DUSP9: variants seen among roughly 807,000 people sequenced by gnomAD.
The protein encoded by DUSP9 is dual specificity protein phosphatase 9.
In DUSP9, 4 loss-of-function variants were observed where a neutral mutation model predicts 13.2. That is an observed-to-expected ratio of 0.30 (90% CI 0.15 to 0.69). The LOEUF (loss-of-function observed/expected upper bound fraction) is 0.69, where lower values mean the gene tolerates loss of function less well. DUSP9 is among the 30% of genes least tolerant of loss of function. The pLI is 0.73. For synonymous variants in DUSP9, 166 were observed against 172.3 expected (o/e 0.96, Z 0.29); for missense variants, 263 against 355.0 (o/e 0.74, Z 2.08).
chrX:153,648,374 C>T, intron 2 of DUSP9, 48 bp downstream of exon 2: 1 of 1,055,824 alleles, frequency 9.5e-7, no homozygotes, highest in Non-Finnish European at 1.2e-6. Flanking sequence ...ATTCATTTGA[C>T]CTTAGGCCAG....
upstream of DUSP9, chrX:153,643,474 G>A (rs1339996345): frequency 8.8e-6 from 3 of 340,903 alleles, no homozygotes; most frequent in African/African-American, 2.6e-5. Flanking sequence ...AGACTCCCCA[G>A]CGACTAGCTT....
chrX:153,646,671 C>T (rs1018101720), upstream of DUSP9, among the ~76,000 whole-genome samples: 3 of 111,113 alleles, frequency 2.7e-5, no homozygotes, highest in Non-Finnish European at 3.8e-5. Flanking sequence ...GCGAGTGAAG[C>T]GGGCTGGTAT....
intron 1 of DUSP9, 65 bp from the exon 2 acceptor site, chrX:153,647,854 C>T: frequency 2.0e-5 from 18 of 902,681 alleles, no homozygotes; most frequent in Non-Finnish European, 2.5e-5. Flanking sequence ...GACGCGGGGC[C>T]GGCTTCAAGT....
chrX:153,649,880 C>T, intron 3 of DUSP9, 100 bp from the exon 4 acceptor site: 1 of 1,041,542 alleles, frequency 9.6e-7, no homozygotes, highest in Admixed American at 2.8e-5. Context: ...GGCCATCTGG[C>T]CCAGGGGGCA....
chrX:153,650,439 C>T lies in DUSP9; in HGVS notation c.*134C>T, dbSNP rs1416405300. On this transcript the variant is annotated 3_prime_UTR_variant, in exon 4 of 4. Transcript: ENST00000342782. ...GCTGGGGGGAGAGCGCAATACCTCA[C>T]GCGGGCTGCCGTCCTAATCAACGTG... The T allele has an allele frequency of 4.4e-5, 21 of 478,141 alleles. No homozygotes were observed. The highest frequency in any genetic ancestry group is 2.2e-4 in the East Asian group (6 of 26,872). 39.4% of individuals were successfully genotyped at this position (478,141 alleles called of 1,213,427 possible).
chrX:153,642,698 A>G (rs2301142), upstream of DUSP9: 17,180 of 64,219 alleles, frequency 0.27, 1,552 homozygotes, highest in Admixed American at 0.54. Context: ...TCCACCCTGC[A>G]CCCCCAAAGT....
At chrX:153,645,999 C>T (rs2091186707), upstream of DUSP9, among the ~76,000 whole-genome samples, 1 of 113,022 alleles carries the variant, frequency 8.8e-6, no homozygotes, top group South Asian at 3.6e-4. Flanking sequence ...CGCATTCCCT[C>T]CTTCCTGCAG....
chrX:153,642,520 G>A (rs1473558647), upstream of DUSP9: 1 of 113,009 alleles, frequency 8.8e-6, no homozygotes, highest in African/African-American at 3.2e-5. Flanking sequence ...GGTGGCGTTA[G>A]GCTGCAGCAG....
chrX:153,644,888 T>C (rs2091182896), upstream of DUSP9, among the ~76,000 whole-genome samples: 1 of 112,657 alleles, frequency 8.9e-6, no homozygotes, highest in African/African-American at 3.2e-5. Context: ...GCTCCCTCTC[T>C]AGCCGAACTG....
At chrX:153,644,474 G>C (rs781832887), upstream of DUSP9, among the ~76,000 whole-genome samples, 91 of 109,127 alleles carry the variant, frequency 8.3e-4, no homozygotes, top group African/African-American at 2.9e-3. Flanking sequence ...CGGCGCTACA[G>C]GGGGCCTGAG....
upstream of DUSP9, chrX:153,643,464 A>G (rs782462415): frequency 5.8e-6 from 2 of 342,092 alleles, no homozygotes. Context: ...ACAGACCTTG[A>G]GACTCCCCAG....
Position 153,650,259 on chromosome X carries a change from T to C in DUSP9, c.1109T>C (p.Phe370Ser), listed in dbSNP as rs1239094910. The C allele has an allele frequency of 1.7e-6, 2 of 1,206,876 alleles. No homozygotes were observed. The highest frequency in any genetic ancestry group is 2.2e-5 in the Admixed American group (1 of 45,811). ...ASAASNPPSF[F>S]TTPTSDGAFE... ...GCGGCCTCCAACCCGCCCTCCTTCTTCACCACCCCCACCAGTGATGGCGCC... is the reference window on the plus strand; with the variant it reads ...GCGGCCTCCAACCCGCCCTCCTTCTCCACCACCCCCACCAGTGATGGCGCC... The change falls in exon 4 of 4, where the codon TTC (phenylalanine) becomes TCC (serine). Residue 370 changes from phenylalanine to serine, a missense_variant. By Grantham distance (155) the Phe-to-Ser change is radical. Coordinates refer to ENST00000342782, the MANE Select transcript of DUSP9 (RefSeq NM_001318503.2).
upstream of DUSP9, among the ~76,000 whole-genome samples, chrX:153,645,989 C>T (rs1301875936): frequency 1.8e-5 from 2 of 112,750 alleles, no homozygotes; most frequent in African/African-American, 3.2e-5. Context: ...GTTAGGCCAC[C>T]GCATTCCCTC....
chrX:153,647,876 C>G, intron 1 of DUSP9, 43 bp from the exon 2 acceptor site: 1 of 939,129 alleles, frequency 1.1e-6, no homozygotes, highest in Non-Finnish European at 1.3e-6. Flanking sequence ...TGAGCCCCCT[C>G]GGCCCTCCGG....
At chrX:153,649,087 C>A in intron 2 of DUSP9, 145 bp from the exon 3 acceptor site, 1 of 569,411 alleles carries the variant, frequency 1.8e-6, no homozygotes, top group Non-Finnish European at 2.8e-6. Flanking sequence ...GGTACCAGGA[C>A]ACACCAAGCT....
Position 153,649,488 on chromosome X carries a change from C to G in DUSP9, c.630C>G (p.Asn210Lys), listed in dbSNP as rs1557036106. 12 of 1,210,737 alleles carry G rather than the reference C, an allele frequency of 9.9e-6. No individual in the cohort carries two copies. The highest frequency in any genetic ancestry group is 1.3e-5 in the Non-Finnish European group (12 of 895,394). The change falls in exon 3 of 4, where the codon AAC becomes AAG. Residue 210 changes from asparagine (N) to lysine (K), a missense_variant. By Grantham distance (94) the Asn-to-Lys change is moderately conservative. Transcript: ENST00000342782. ...RASFPVQILPNLYLGSARDSA... is the reference protein window; with the variant it reads ...RASFPVQILPKLYLGSARDSA... ...CCTTCCCTGTCCAGATCCTGCCCAA[C>G]CTCTATCTGGGCAGTGCCCGGGATT...
chrX:153,644,815 C>T (rs913029748), upstream of DUSP9, among the ~76,000 whole-genome samples: 1 of 112,320 alleles, frequency 8.9e-6, no homozygotes, highest in Non-Finnish European at 1.9e-5. Flanking sequence ...CGTCCTCATT[C>T]CAGCCCAGCT....
At position 153,649,319 on chromosome X, in the gene DUSP9, C is replaced by T; in HGVS notation, c.461C>T (p.Pro154Leu). ...GCCGGCTCCAGCATGGCGCCGGTGC[C>T]CGGTCCAGTGCCCGTGGTGGGGTTG... ...GRAGSSMAPVPGPVPVVGLGS... is the reference protein window; with the variant it reads ...GRAGSSMAPVLGPVPVVGLGS... Residue 154 changes from proline to leucine, a missense_variant, in exon 3 of 4, where the codon CCC (proline) becomes CTC (leucine). Transcript: ENST00000342782. 8.3e-7 allele frequency: 1 copy of T among 1,210,814 alleles called. No homozygotes were observed.
chrX:153,649,902 T>C, intron 3 of DUSP9, 78 bp from the exon 4 acceptor site: 1 of 1,100,895 alleles, frequency 9.1e-7, no homozygotes, highest in Non-Finnish European at 1.2e-6. Flanking sequence ...GGCGGGGCCT[T>C]TGAGGGCCCT....
Sources: allele counts gnomAD v4.1 joint callset (sites outside exome capture counted in the v4.1 genomes callset), GRCh38; gene constraint gnomAD v4.1.1; transcripts MANE v1.5; gene names NCBI Gene and HGNC (gene_info 2026-07-23, HGNC 2026-07-21).